PPARA: variants seen among roughly 807,000 people sequenced by gnomAD.
PPARA encodes peroxisome proliferator activated receptor alpha.
PPARA carries 22 observed loss-of-function variants against 42.2 expected under a neutral mutation model. The observed-to-expected ratio is 0.52, with a 90% CI of 0.37 to 0.74. The LOEUF is 0.74. PPARA is among the 30% of genes least tolerant of loss of function. The pLI is 0.00. For synonymous variants in PPARA, 242 were observed against 239.3 expected (o/e 1.01, Z -0.10); for missense variants, 465 against 608.2 (o/e 0.76, Z 2.48).
At chr22:46,174,266 G>GAAGGAAGGAAGA (rs1555935220) in intron 2 of PPARA, among the ~76,000 whole-genome samples, 1 of 64,704 alleles carries the variant, frequency 1.5e-5, no homozygotes, top group African/African-American at 5.9e-5. Context: ...AGGAAGGAAG[G>GAAGGAAGGAAGA]AAGGAAGGAA....
rs1481984546 is a variant in PPARA, at chr22:46,211,524, G to A, written c.209-3649G>A. Among the ~76,000 whole-genome samples, 1 of 152,138 alleles carries A rather than the reference G, an allele frequency of 6.6e-6. No individual in the cohort carries two copies. The highest frequency in any genetic ancestry group is 1.9e-4 in the East Asian group (1 of 5,196). The stretch of plus-strand genomic sequence containing the variant: ...GATTGTTTCCTACATTCGTAGCACA[G>A]TTAGATTGTTTTGTTACATTCTGCA... On this transcript the variant is annotated intron_variant, in intron 4 of 8. Transcript: ENST00000407236. The surrounding 1 kb of genome is among the most constrained non-coding windows in gnomAD (Gnocchi z 4.1).
intron 4 of PPARA, among the ~76,000 whole-genome samples, chr22:46,206,609 C>T (rs750206485): frequency 1.1e-4 from 16 of 152,006 alleles, no homozygotes; most frequent in Non-Finnish European, 2.2e-4. Flanking sequence ...TTCATTTTTC[C>T]CTTCATGCAT....
Position 46,235,336 on chromosome 22 carries a change from G to A in PPARA, c.1363G>A (p.Ala455Thr). 6.2e-7 allele frequency: 1 copy of A among 1,613,974 alleles called. No homozygotes were observed. The highest frequency in any genetic ancestry group is 1.7e-4 in the Middle Eastern group (1 of 6,058). The change falls in exon 9 of 9, where the codon GCG (alanine) becomes ACG (threonine). Residue 455 changes from alanine (A) to threonine (T), a missense_variant. Physicochemically the swap from Ala to Thr is moderately conservative, Grantham distance 58 (BLOSUM62 0). Around this residue, in one of 2 missense-constraint regions of PPARA, gnomAD observed 313 missense variants for 469.1 expected, o/e 0.67. Coordinates refer to ENST00000407236, the MANE Select transcript of PPARA (RefSeq NM_005036.6). The surrounding 1 kb of genome is among the most constrained non-coding windows in gnomAD (Gnocchi z 7.0). ...CATCAAGAAGACGGAGTCGGATGCT[G>A]CGCTGCACCCGCTACTGCAGGAGAT... ...QIIKKTESDA[A>T]LHPLLQEIYR...
At chr22:46,155,106 A>G (rs563696797) in intron 2 of PPARA, 13 of 134,540 alleles carry the variant, frequency 9.7e-5, no homozygotes, top group South Asian at 2.5e-4. Context: ...TTTTTGCTCT[A>G]TTGGTTTCTG....
At chr22:46,218,436 G>A (rs192661595) in intron 6 of PPARA, 35 bp downstream of exon 6, 281 of 1,613,500 alleles carry the variant, frequency 1.7e-4, no homozygotes, top group Admixed American at 4.0e-4. Context: ...TTCCCAGTTC[G>A]TTCCTCAGTT....
rs1453836692 is a variant in PPARA, at chr22:46,150,589, C to T, written c.-273C>T. The T allele has an allele frequency of 2.9e-5, 4 of 139,624 alleles. No homozygotes were observed. Among genetic ancestry groups the T allele is most frequent in the Admixed American group, 7.1e-5 (1 of 14,180 alleles). 8.6% of individuals were successfully genotyped at this position (139,624 alleles called of 1,614,324 possible). A position where few individuals can be genotyped will look rare whatever the true frequency, so the allele number is the denominator to read the frequency against. On this transcript the variant is annotated 5_prime_UTR_variant, in exon 1 of 9. Transcript: ENST00000407236. This position sits in a 1 kb window ranked among gnomAD's most constrained non-coding sequence, Gnocchi z 7.5. ...GGGGGCGGAGGCGGCCGCTAGCGCC[C>T]TGCCCGGCGCCGCCTCCTTCGGCGT...
In PPARA at chr22:46,235,439, G is replaced by A; in HGVS notation, c.*59G>A. On this transcript the variant is annotated 3_prime_UTR_variant, in exon 9 of 9. Coordinates refer to ENST00000407236, the MANE Select transcript of PPARA (RefSeq NM_005036.6). This position sits in a 1 kb window ranked among gnomAD's most constrained non-coding sequence, Gnocchi z 7.0. ...TTCTGAAGCTGACAGCACTACAAAG[G>A]AGACGGGGGAGCAGCACGATTTTGC... is the stretch of plus-strand genomic sequence containing the variant. The A allele has an allele frequency of 1.3e-6, 2 of 1,595,966 alleles. No individual in the cohort carries two copies. The highest frequency in any genetic ancestry group is 1.3e-5 in the African/African-American group (1 of 74,462).
rs532547366 is a variant in PPARA, at chr22:46,161,189, G to A, written c.-127+9219G>A. Among the ~76,000 whole-genome samples, 44 of 152,178 alleles carry A rather than the reference G, an allele frequency of 2.9e-4. No homozygotes were observed. Among genetic ancestry groups the A allele is most frequent in the Admixed American group, 6.5e-4 (10 of 15,270 alleles). ...GCTCAAAACCTAGGAAGTGGATGGAGACTCTTTTTGGAATGAATGAATTCA... is the reference window on the plus strand; with the variant it reads ...GCTCAAAACCTAGGAAGTGGATGGAAACTCTTTTTGGAATGAATGAATTCA... On this transcript the variant is annotated intron_variant, in intron 2 of 8. Coordinates refer to ENST00000407236, the MANE Select transcript of PPARA (RefSeq NM_005036.6). This position sits in a 1 kb window ranked among gnomAD's most constrained non-coding sequence, Gnocchi z 4.8.
At position 46,225,074 on chromosome 22, in the gene PPARA, G is replaced by C. The variant is rs1935307380; in HGVS notation, c.711+5060G>C. ...GGCCAGGGTGCACGGAGGAGGCTGTGGGGGCAGGGGGAGGCCGCTGCATGG... is the reference window on the plus strand; with the variant it reads ...GGCCAGGGTGCACGGAGGAGGCTGTCGGGGCAGGGGGAGGCCGCTGCATGG... On this transcript the variant is annotated intron_variant, in intron 7 of 8. Transcript: ENST00000407236. The surrounding 1 kb of genome is among the most constrained non-coding windows in gnomAD (Gnocchi z 4.1). Among the ~76,000 whole-genome samples the C allele has an allele frequency of 6.6e-6, 1 of 152,134 alleles. No individual in the cohort carries two copies. Among genetic ancestry groups the C allele is most frequent in the African/African-American group, 2.4e-5 (1 of 41,414 alleles).
intron 4 of PPARA, among the ~76,000 whole-genome samples, chr22:46,199,193 AT>A: frequency 6.6e-6 from 1 of 152,244 alleles, no homozygotes; most frequent in South Asian, 2.1e-4. Context: ...GCAGCTAGAC[AT>A]TTTTAAGAGG....
rs1934806792 is a variant in PPARA at position 46,219,344 on chromosome 22, C to T, written c.509-468C>T. ...GGGTGTACCACCTCAAACATCTCAC[C>T]ACGTTATGAATTTCCTTCTAGCCAA... On this transcript the variant is annotated intron_variant, in intron 6 of 8. Transcript: ENST00000407236. This position sits in a 1 kb window ranked among gnomAD's most constrained non-coding sequence, Gnocchi z 4.8. Among the ~76,000 whole-genome samples the T allele has an allele frequency of 6.6e-6, 1 of 152,162 alleles. No homozygotes were observed. Among genetic ancestry groups the T allele is most frequent in the African/African-American group, 2.4e-5 (1 of 41,440 alleles).
chr22:46,158,593 A>G (rs967368755), intron 2 of PPARA, among the ~76,000 whole-genome samples: 8 of 152,230 alleles, frequency 5.3e-5, no homozygotes, highest in Non-Finnish European at 1.2e-4. Context: ...ATTCAGCAAT[A>G]TGGCTTGTAA....
At chr22:46,186,641 AG>A (rs1490192473) in intron 3 of PPARA, among the ~76,000 whole-genome samples, 1 of 152,196 alleles carries the variant, frequency 6.6e-6, no homozygotes, top group Non-Finnish European at 1.5e-5. Flanking sequence ...TGAACACAGG[AG>A]GCGGAGGTTG....
At chr22:46,189,701 C>T (rs1376379560) in intron 3 of PPARA, among the ~76,000 whole-genome samples, 1 of 150,766 alleles carries the variant, frequency 6.6e-6, no homozygotes, top group Non-Finnish European at 1.5e-5. Context: ...TTCTTTCTTT[C>T]TATTTTTTTT....
At chr22:46,207,706 CAG>C (rs1933527291) in intron 4 of PPARA, among the ~76,000 whole-genome samples, 1 of 78,124 alleles carries the variant, frequency 1.3e-5, no homozygotes. Flanking sequence ...TTTTTAGAGA[CAG>C]GGTCTTGCGC....
chr22:46,199,461 C>T (rs533166184), intron 4 of PPARA, among the ~76,000 whole-genome samples: 1 of 152,014 alleles, frequency 6.6e-6, no homozygotes, highest in African/African-American at 2.4e-5. Context: ...GGTGAGGCCC[C>T]ATCTATACAA....
rs936392267 is a variant in PPARA, at chr22:46,150,549, G to C, written c.-313G>C. 2 of 146,056 alleles carry C rather than the reference G, an allele frequency of 1.4e-5. No individual in the cohort carries two copies. The highest frequency in any genetic ancestry group is 6.8e-5 in the Admixed American group (1 of 14,708). The allele number at this position is 146,056 out of a possible 1,614,324, so 9.0% of individuals were successfully genotyped here. On this transcript the variant is annotated 5_prime_UTR_variant, in exon 1 of 9. Transcript: ENST00000407236. This position sits in a 1 kb window ranked among gnomAD's most constrained non-coding sequence, Gnocchi z 7.5. ...CCGTGGACGCGGCGGCCCCGCGGCG[G>C]GGGCAGCGGGCGGCGGGGGCGGAGG...
chr22:46,202,599 G>T (rs963857267), intron 4 of PPARA, among the ~76,000 whole-genome samples: 5 of 152,018 alleles, frequency 3.3e-5, no homozygotes, highest in Admixed American at 2.6e-4. Flanking sequence ...TTAGCTGGGC[G>T]TGGAGGCGTG....
In PPARA at chr22:46,171,705, G is replaced by A. The variant is rs2147195162; in HGVS notation, c.-126-5048G>A. Among the ~76,000 whole-genome samples, 1 of 152,296 alleles carries A rather than the reference G, an allele frequency of 6.6e-6. No individual in the cohort carries two copies. The highest frequency in any genetic ancestry group is 1.9e-4 in the East Asian group (1 of 5,178). The stretch of plus-strand genomic sequence containing the variant: ...AGCCAGGAAGTGTGACTCGAGCAGT[G>A]TCCTGGAGAGGAGGAGGAGGAGAAA... On this transcript the variant is annotated intron_variant, in intron 2 of 8. Transcript: ENST00000407236. The surrounding 1 kb of genome is among the most constrained non-coding windows in gnomAD (Gnocchi z 5.0).
Sources: allele counts gnomAD v4.1 joint callset (sites outside exome capture counted in the v4.1 genomes callset), GRCh38; gene constraint gnomAD v4.1.1; regional missense constraint gnomAD v4.1.1; non-coding constraint Gnocchi (gnomAD v3.1); transcripts MANE v1.5; gene names NCBI Gene and HGNC (gene_info 2026-07-23, HGNC 2026-07-21).